The following ACSM1 variants were observed in gnomAD, a reference collection of about 807,000 sequenced individuals.
The protein encoded by ACSM1 is acyl-CoA synthetase medium chain family member 1.
ACSM1 carries 79 observed loss-of-function variants against 75.8 expected under a neutral mutation model. That is an observed-to-expected ratio of 1.04 (90% CI 0.87 to 1.26). The LOEUF is 1.26. ACSM1 is among the 50% of genes most tolerant of loss of function. ACSM1 has a pLI of 0.00. For missense variants in ACSM1, 676 were observed against 720.1 expected, an observed-to-expected ratio of 0.94 and a Z score of 0.70; for synonymous variants, 279 against 265.8, an observed-to-expected ratio of 1.05 and a Z score of -0.48.
chr16:20,654,947 A>G (rs1445595256), intron 7 of ACSM1, among the ~76,000 whole-genome samples: 4 of 152,142 alleles, frequency 2.6e-5, no homozygotes, highest in African/African-American at 4.8e-5. Flanking sequence ...ACACATGCAC[A>G]CGTATGTTTA....
chr16:20,656,972 C>T (rs1276839062), intron 7 of ACSM1, among the ~76,000 whole-genome samples: 1 of 151,574 alleles, frequency 6.6e-6, no homozygotes, highest in African/African-American at 2.4e-5. Flanking sequence ...GTCACTTTTG[C>T]ATACATCCCA....
At chr16:20,666,624 G>T (rs192103439) in intron 6 of ACSM1, among the ~76,000 whole-genome samples, 5 of 151,930 alleles carry the variant, frequency 3.3e-5, no homozygotes, top group African/African-American at 7.2e-5. Context: ...CAGAAAAAAC[G>T]ACTTTAAAAC....
intron 6 of ACSM1, among the ~76,000 whole-genome samples, chr16:20,668,133 G>A (rs1378060432): frequency 2.0e-5 from 3 of 152,030 alleles, no homozygotes; most frequent in African/African-American, 4.8e-5. Context: ...CTCATGTAAC[G>A]AATCTGCACA....
At chr16:20,645,171 T>C (rs936905962) in intron 7 of ACSM1, among the ~76,000 whole-genome samples, 2 of 152,148 alleles carry the variant, frequency 1.3e-5, no homozygotes, top group Admixed American at 6.6e-5. Flanking sequence ...CCTTTCTTTG[T>C]GGTCAAGAAA....
At chr16:20,629,706 G>A (rs892946254) in intron 10 of ACSM1, among the ~76,000 whole-genome samples, 2 of 152,142 alleles carry the variant, frequency 1.3e-5, no homozygotes, top group Non-Finnish European at 2.9e-5. Flanking sequence ...TTAAAGACAC[G>A]AATTCCACTG....
Position 20,663,343 on chromosome 16 carries a change from T to G in ACSM1, c.913-1470A>C, listed in dbSNP as rs191182418. ...TCACCTCTTTACCCCCACATCCGCA[T>G]GTCCTCACCACCTGCTTCTTTGTTT... On this transcript the variant is annotated intron_variant, in intron 6 of 13. Transcript: ENST00000520010. Among the ~76,000 whole-genome samples the G allele has an allele frequency of 4.7e-3, 718 of 152,316 alleles. 6 individuals are homozygous for G. The highest frequency in any genetic ancestry group is 0.016 in the African/African-American group (663 of 41,576).
chr16:20,676,818 GC>G (rs1289909469), intron 4 of ACSM1, among the ~76,000 whole-genome samples: 1 of 151,826 alleles, frequency 6.6e-6, no homozygotes, highest in African/African-American at 2.4e-5. Flanking sequence ...AAGAATAAAT[GC>G]CCCAAAAAAT....
intron 2 of ACSM1, among the ~76,000 whole-genome samples, chr16:20,685,832 C>CAAAAAAAAAAA (rs1469791653): frequency 4.2e-5 from 3 of 72,130 alleles, no homozygotes; most frequent in African/African-American, 6.5e-5. Context: ...AAAAAAAAAA[C>CAAAAAAAAAAA]AAACAAAAAA....
chr16:20,627,864 GTATACATATATATATATATA>G (rs1567242130), intron 10 of ACSM1, among the ~76,000 whole-genome samples: 10 of 46,376 alleles, frequency 2.2e-4, no homozygotes, highest in Admixed American at 5.4e-4. Flanking sequence ...CTCTCTGTAT[GTATACATATATATATATATA>G]TATATATATA....
chr16:20,680,267 C>T (rs2079412546), intron 4 of ACSM1: 1 of 152,184 alleles, frequency 6.6e-6, no homozygotes, highest in South Asian at 2.1e-4. Context: ...AGGAGCAGGC[C>T]TTGGAGTTCC....
chr16:20,691,751 A>ATGTGTGTGTGTGTGTGTG (rs59929923), intron 1 of ACSM1, among the ~76,000 whole-genome samples: 1 of 134,024 alleles, frequency 7.5e-6, no homozygotes, highest in South Asian at 2.5e-4. Flanking sequence ...TACCTCTCCA[A>ATGTGTGTGTGTGTGTGTG]TGTGTGTGTG....
At position 20,631,608 on chromosome 16, in the gene ACSM1, A is replaced by G. The variant is rs1483344133; in HGVS notation, c.1300-4292T>C. ...CAATTTGCAATTGCAAAGATATGGA[A>G]CCAACCAAAGTGCCCATCAACCAAT... is the stretch of plus-strand genomic sequence containing the variant. On this transcript the variant is annotated intron_variant, in intron 10 of 13. Transcript: ENST00000520010. Among the ~76,000 whole-genome samples, 5 of 152,238 alleles carry G rather than the reference A, an allele frequency of 3.3e-5. No individual in the cohort carries two copies. In the East Asian group the frequency reaches 7.7e-4, roughly 23 times the overall value.
chr16:20,672,559 T>C (rs1264240636), intron 4 of ACSM1, among the ~76,000 whole-genome samples: 1 of 132,974 alleles, frequency 7.5e-6, no homozygotes, highest in Non-Finnish European at 1.5e-5. Flanking sequence ...TATATAAATA[T>C]ATAAAATATA....
chr16:20,624,804 C>A (rs2016811723), intron 12 of ACSM1, among the ~76,000 whole-genome samples: 1 of 152,028 alleles, frequency 6.6e-6, no homozygotes, highest in Non-Finnish European at 1.5e-5. Context: ...AAGCGATTCT[C>A]CTGCCTCAGC....
At chr16:20,651,021 T>G (rs970583391) in intron 7 of ACSM1, among the ~76,000 whole-genome samples, 5 of 147,184 alleles carry the variant, frequency 3.4e-5, no homozygotes, top group Admixed American at 6.6e-5. Flanking sequence ...TGGGAACTTT[T>G]TGTGTGTGTG....
intron 7 of ACSM1, among the ~76,000 whole-genome samples, chr16:20,646,726 G>A (rs1008562956): frequency 2.0e-5 from 3 of 152,092 alleles, no homozygotes; most frequent in Non-Finnish European, 4.4e-5. Flanking sequence ...TTAGGAGAAG[G>A]AAAAAGGGTA....
intron 5 of ACSM1, 45 bp downstream of exon 5, chr16:20,671,486 G>T (rs752856187): frequency 1.3e-6 from 2 of 1,533,276 alleles, no homozygotes; most frequent in Non-Finnish European, 8.8e-7. Flanking sequence ...CACAAACTTT[G>T]CCCACATCTG....
chr16:20,655,024 T>C (rs1405549013), intron 7 of ACSM1, among the ~76,000 whole-genome samples: 1 of 151,820 alleles, frequency 6.6e-6, no homozygotes, highest in East Asian at 1.9e-4. Context: ...ATAGACTGGA[T>C]TAAGAAAATG....
chr16:20,628,155 T>C (rs1270566322), intron 10 of ACSM1, among the ~76,000 whole-genome samples: 1 of 151,980 alleles, frequency 6.6e-6, no homozygotes, highest in Non-Finnish European at 1.5e-5. Context: ...GGATGGCATG[T>C]AGTTATAAAA....
Sources: gnomAD v4.1 joint callset for allele counts (sites outside exome capture counted in the v4.1 genomes callset) on GRCh38, gnomAD v4.1.1 for gene constraint, MANE v1.5 for transcripts, NCBI Gene and HGNC (gene_info 2026-07-23, HGNC 2026-07-21) for gene names.